The following SDK1 variants were observed in gnomAD, a reference collection of about 807,000 sequenced individuals.
SDK1 encodes the protein sidekick cell adhesion molecule 1, also known as protein sidekick-1.
A neutral mutation model predicts 245.5 loss-of-function variants in SDK1; 157 were observed. The ratio of observed to expected loss-of-function variants is 0.64; its 90% CI spans 0.56 to 0.73. SDK1 has a LOEUF of 0.73. Ranked by LOEUF, SDK1 falls within the 30% of genes least tolerant of loss-of-function variation. The pLI, the probability that SDK1 is intolerant of heterozygous loss-of-function variation, is 0.00. For synonymous variants in SDK1, 1,647 were observed against 1,278.5 expected (o/e 1.29, Z -6.15); for missense variants, 3,583 against 3,002.3 (o/e 1.19, Z -4.52).
At chr7:3,614,859 C>T (rs1562603693) in intron 1 of SDK1, among the ~76,000 whole-genome samples, 1 of 143,900 alleles carries the variant, frequency 6.9e-6, no homozygotes, top group Non-Finnish European at 1.6e-5. Context: ...ATTTTACGGC[C>T]ATTTGGATCT....
chr7:4,134,076 C>A (rs745648606), intron 28 of SDK1, among the ~76,000 whole-genome samples: 6 of 152,162 alleles, frequency 3.9e-5, no homozygotes, highest in Non-Finnish European at 7.3e-5. Flanking sequence ...GGTAATCACT[C>A]CGGCAGCCTG....
intron 33 of SDK1, among the ~76,000 whole-genome samples, chr7:4,175,346 G>T (rs1234922177): frequency 2.0e-5 from 3 of 152,204 alleles, no homozygotes; most frequent in Non-Finnish European, 4.4e-5. Flanking sequence ...CCGGGATGCG[G>T]CTGGGCTTAC....
intron 4 of SDK1, among the ~76,000 whole-genome samples, chr7:3,769,489 A>T (rs754038356): frequency 7.9e-5 from 12 of 152,302 alleles, no homozygotes; most frequent in Admixed American, 2.0e-4. Context: ...TAATCCACTC[A>T]TGAGGTCAGA....
chr7:3,821,988 C>G (rs1157862398), intron 5 of SDK1, among the ~76,000 whole-genome samples: 1 of 152,026 alleles, frequency 6.6e-6, no homozygotes, highest in Non-Finnish European at 1.5e-5. Flanking sequence ...GAAATTCTAC[C>G]TATTAAGTTG....
At chr7:3,973,488 G>T (rs1228821153) in intron 12 of SDK1, among the ~76,000 whole-genome samples, 2 of 152,192 alleles carry the variant, frequency 1.3e-5, no homozygotes, top group Non-Finnish European at 2.9e-5. Context: ...AATTGCTACA[G>T]ATAGATTAAA....
At chr7:3,517,868 A>G (rs116316858) in intron 1 of SDK1, among the ~76,000 whole-genome samples, 149 of 152,220 alleles carry the variant, frequency 9.8e-4, no homozygotes, top group African/African-American at 3.5e-3. Flanking sequence ...CTGGAAAACA[A>G]ATTCCTTTTT....
chr7:4,059,015 A>G (rs1472875967), intron 19 of SDK1, among the ~76,000 whole-genome samples: 1 of 152,244 alleles, frequency 6.6e-6, no homozygotes, highest in Non-Finnish European at 1.5e-5. Context: ...TGAGAGAGAA[A>G]GAAGGGAACA....
chr7:3,955,967 C>T (rs1781227564), intron 7 of SDK1, among the ~76,000 whole-genome samples: 2 of 152,194 alleles, frequency 1.3e-5, no homozygotes, highest in Admixed American at 1.3e-4. Context: ...GGCTCTGGGC[C>T]ATGTGGAAGG....
intron 1 of SDK1, among the ~76,000 whole-genome samples, chr7:3,518,938 ATGCAATGGAATACGC>A (rs532366869): frequency 2.4e-4 from 36 of 151,580 alleles, no homozygotes; most frequent in African/African-American, 8.5e-4. Flanking sequence ...TGCTATATAT[ATGCAATGGAATACGC>A]TATTCAGCCA....
chr7:3,472,622 A>G (rs1308706467), intron 1 of SDK1, among the ~76,000 whole-genome samples: 1 of 152,242 alleles, frequency 6.6e-6, no homozygotes, highest in African/African-American at 2.4e-5. Flanking sequence ...CCTGAAATAC[A>G]CAGGATGTTA....
intron 31 of SDK1, among the ~76,000 whole-genome samples, chr7:4,160,424 T>G (rs1781040775): frequency 6.6e-6 from 1 of 152,176 alleles, no homozygotes; most frequent in Non-Finnish European, 1.5e-5. Context: ...TTCTTACCCT[T>G]TGATATTCAG....
At chr7:3,538,684 G>A (rs766966420) in intron 1 of SDK1, among the ~76,000 whole-genome samples, 2 of 152,098 alleles carry the variant, frequency 1.3e-5, no homozygotes, top group Non-Finnish European at 2.9e-5. Flanking sequence ...CTGCCCACCC[G>A]GCTACTTCTG....
intron 1 of SDK1, among the ~76,000 whole-genome samples, chr7:3,317,481 C>A (rs1327960899): frequency 2.0e-5 from 3 of 152,266 alleles, no homozygotes; most frequent in Middle Eastern, 6.8e-3. Context: ...CCTTCATCTT[C>A]GCTCCTCATT....
At chr7:3,380,995 AGTTCT>A (rs1781473941) in intron 1 of SDK1, among the ~76,000 whole-genome samples, 1 of 152,162 alleles carries the variant, frequency 6.6e-6, no homozygotes, top group African/African-American at 2.4e-5. Flanking sequence ...ACAAAATCAG[AGTTCT>A]GTTAATAAAT....
chr7:3,844,913 T>C (rs1780239530), intron 5 of SDK1, among the ~76,000 whole-genome samples: 1 of 152,208 alleles, frequency 6.6e-6, no homozygotes, highest in South Asian at 2.1e-4. Context: ...AATAAAATTT[T>C]TTTCAAGAAA....
intron 1 of SDK1, among the ~76,000 whole-genome samples, chr7:3,613,117 C>T (rs1006743334): frequency 1.3e-5 from 2 of 152,152 alleles, no homozygotes; most frequent in Non-Finnish European, 2.9e-5. Flanking sequence ...CCTATTCATT[C>T]TGCCGTTGAA....
intron 1 of SDK1, among the ~76,000 whole-genome samples, chr7:3,426,612 C>T (rs113943412): frequency 5.5e-4 from 84 of 152,350 alleles, no homozygotes; most frequent in African/African-American, 2.0e-3. Context: ...AGCCAGTCAC[C>T]TGTGGCCATT....
chr7:3,430,454 C>T (rs982144167), intron 1 of SDK1, among the ~76,000 whole-genome samples: 11 of 152,180 alleles, frequency 7.2e-5, no homozygotes, highest in Admixed American at 1.3e-4. Context: ...TCAGAAGCTT[C>T]GTCCGCCTCA....
intron 4 of SDK1, among the ~76,000 whole-genome samples, chr7:3,748,193 A>T (rs1779679141): frequency 1.3e-5 from 2 of 152,174 alleles, no homozygotes; most frequent in Admixed American, 6.5e-5. Context: ...TTTAATCCTA[A>T]TTTTGAAAAG....
Sources: allele counts gnomAD v4.1 joint callset (sites outside exome capture counted in the v4.1 genomes callset), GRCh38; gene constraint gnomAD v4.1.1; transcripts MANE v1.5; gene names NCBI Gene and HGNC (gene_info 2026-07-23, HGNC 2026-07-21).